MYO7B: variants seen among roughly 807,000 people sequenced by gnomAD.
The protein encoded by MYO7B is unconventional myosin-VIIb.
MYO7B carries 212 observed loss-of-function variants against 259.7 expected under a neutral mutation model. That is an observed-to-expected ratio of 0.82 (90% confidence interval 0.73 to 0.91). The LOEUF (loss-of-function observed/expected upper bound fraction) is 0.91, where lower values mean the gene tolerates loss of function less well. MYO7B is among the 40% of genes least tolerant of loss of function. MYO7B has a pLI of 0.00. For synonymous variants in MYO7B, 1,197 were observed against 1,166.4 expected (o/e 1.03, Z -0.54); for missense variants, 2,732 against 2,813.5 (o/e 0.97, Z 0.66).
Position 127,586,835 on chromosome 2 carries a change from G to T in MYO7B, c.1691-1557G>T, listed in dbSNP as rs1445863520. ...GCCTGTTGGGAGACTGAACCCAGGA[G>T]TGTCTCAACCCTCCCCACCCTTAAA... On this transcript the variant is annotated intron_variant, in intron 14 of 47. Coordinates refer to ENST00000409816, the MANE Select transcript of MYO7B (RefSeq NM_001393586.1). This position sits in a 1 kb window ranked among gnomAD's most constrained non-coding sequence, Gnocchi z 4.8. 6.6e-6 allele frequency among the ~76,000 whole-genome samples: 1 copy of T among 152,108 alleles called. No homozygotes were observed. The highest frequency in any genetic ancestry group is 1.9e-4 in the East Asian group (1 of 5,174).
rs564717765 is a variant in MYO7B, at chr2:127,615,193, C to G, written c.3398+2590C>G. ...CCACAGGTGCACCAAGGAGGAGTGG[C>G]CTTAGTGCCTACCTGGGCCAAGGAA... is the stretch of plus-strand genomic sequence containing the variant. On this transcript the variant is annotated intron_variant, in intron 26 of 47. Transcript: ENST00000409816. The surrounding 1 kb of genome is among the most constrained non-coding windows in gnomAD (Gnocchi z 4.4). Among the ~76,000 whole-genome samples the G allele has an allele frequency of 1.3e-5, 2 of 152,236 alleles. No individual in the cohort carries two copies. The highest frequency in any genetic ancestry group is 3.9e-4 in the East Asian group (2 of 5,174).
intron 5 of MYO7B, among the ~76,000 whole-genome samples, chr2:127,568,891 C>G (rs1678469214): frequency 6.8e-6 from 1 of 147,742 alleles, no homozygotes. Context: ...AACAGCAAGA[C>G]TCCGTCTCAA....
At position 127,601,053 on chromosome 2, in the gene MYO7B, A is replaced by T. The variant is rs1679949733; in HGVS notation, c.2339+4497A>T. Among the ~76,000 whole-genome samples the T allele has an allele frequency of 2.0e-5, 3 of 152,356 alleles. No individual in the cohort carries two copies. The South Asian group carries it at 6.2e-4, about 32-fold the overall frequency. ...TTCATTCACTTTCACTCAGAAGAAA[A>T]ATTAAATTTTCCTTGAAATTTCCTC... is the stretch of plus-strand genomic sequence containing the variant. On this transcript the variant is annotated intron_variant, in intron 19 of 47. Transcript: ENST00000409816.
rs528272278 is a variant in MYO7B at position 127,542,615 on chromosome 2, C to T, written c.-24+6784C>T. On this transcript the variant is annotated intron_variant, in intron 1 of 47. Transcript: ENST00000409816. ...CCCCTCCACACCTGTGGGTGCTTCT[C>T]GTCAGGTGGAATGAGAGACTGAGAA... 3.1e-3 allele frequency among the ~76,000 whole-genome samples: 477 copies of T among 152,272 alleles called. 7 individuals carry two copies. The South Asian group carries it at 0.04, about 13-fold the overall frequency.
chr2:127,595,163 T>G (rs1443871671), intron 18 of MYO7B, among the ~76,000 whole-genome samples: 2 of 152,242 alleles, frequency 1.3e-5, no homozygotes, highest in Admixed American at 1.3e-4. Flanking sequence ...TACTGATCTA[T>G]TCAGGGATTC....
In MYO7B at chr2:127,559,021, G is replaced by T. The variant is rs913689377; in HGVS notation, c.-23-679G>T. Reference sequence around the variant, plus strand: ...TAGCAATAGACCTGGTACCCACCTTGCACTGCTCAGCGCAGGGAGGGGAAG... The same window carrying T: ...TAGCAATAGACCTGGTACCCACCTTTCACTGCTCAGCGCAGGGAGGGGAAG... On this transcript the variant is annotated intron_variant, in intron 1 of 47. Transcript: ENST00000409816. This position sits in a 1 kb window ranked among gnomAD's most constrained non-coding sequence, Gnocchi z 4.1. Among the ~76,000 whole-genome samples, 10 of 152,220 alleles carry T rather than the reference G, an allele frequency of 6.6e-5. No homozygotes were observed. The highest frequency in any genetic ancestry group is 5.9e-4 in the Admixed American group (9 of 15,282).
rs560393262 is a variant in MYO7B at position 127,630,956 on chromosome 2, C to CCACCT, written c.4937+56_4937+60dup. Reference sequence around the variant, plus strand: ...CTCATTGCACCCCCACCTCCCAGCCCCACCTCACCTCATTGCACCCCCTGC... The same window carrying CCACCT: ...CTCATTGCACCCCCACCTCCCAGCCCCACCTCACCTCACCTCATTGCACCCCCTGC... On this transcript the variant is annotated intron_variant, in intron 36 of 47. Transcript: ENST00000409816. 2.8e-4 allele frequency: 429 copies of CCACCT among 1,517,294 alleles called. 1 individual carries two copies. The African/African-American group carries it at 3.7e-3, about 13-fold the overall frequency. 94.0% of individuals were successfully genotyped at this position (1,517,294 alleles called of 1,614,324 possible). A position where few individuals can be genotyped will look rare whatever the true frequency, so the allele number is the denominator to read the frequency against.
chr2:127,609,781 C>T lies in MYO7B; in HGVS notation c.3024+66C>T, dbSNP rs1482954354. 5.6e-6 allele frequency: 9 copies of T among 1,611,138 alleles called. No homozygotes were observed. The highest frequency in any genetic ancestry group is 4.4e-5 in the South Asian group (4 of 90,958). The stretch of plus-strand genomic sequence containing the variant: ...CGAGCCTGGGGTGTGAGCTATGGCT[C>T]GGGGAAAGAAGGAAGGGGCCATAGT... On this transcript the variant is annotated intron_variant, in intron 23 of 47. Coordinates refer to ENST00000409816, the MANE Select transcript of MYO7B (RefSeq NM_001393586.1). This position sits in a 1 kb window ranked among gnomAD's most constrained non-coding sequence, Gnocchi z 6.9.
chr2:127,552,805 C>A (rs6743697), intron 1 of MYO7B, among the ~76,000 whole-genome samples: 2 of 152,062 alleles, frequency 1.3e-5, no homozygotes, highest in Admixed American at 6.5e-5. Context: ...CCTGCCACCC[C>A]CTGAAAGAGC....
intron 15 of MYO7B, 63 bp downstream of exon 15, chr2:127,588,618 G>A (rs1404535754): frequency 1.9e-6 from 3 of 1,584,802 alleles, no homozygotes; most frequent in African/African-American, 1.3e-5. Context: ...AGACAGACAT[G>A]TACAGGAAAG....
chr2:127,607,076 T>C lies in MYO7B; in HGVS notation c.2425-130T>C. ...TTGTGTTCATAGGTGTGTACCATTC[T>C]AGCACCGGCCCTTTGCCAAAACAAA... On this transcript the variant is annotated intron_variant, in intron 20 of 47. Coordinates refer to ENST00000409816, the MANE Select transcript of MYO7B (RefSeq NM_001393586.1). The surrounding 1 kb of genome is among the most constrained non-coding windows in gnomAD (Gnocchi z 4.4). The C allele has an allele frequency of 1.3e-6, 1 of 799,670 alleles. No individual in the cohort carries two copies. The highest frequency in any genetic ancestry group is 2.0e-6 in the Non-Finnish European group (1 of 504,564). The allele number at this position is 799,670 out of a possible 1,614,324, so 49.5% of individuals were successfully genotyped here.
At position 127,609,933 on chromosome 2, in the gene MYO7B, G is replaced by A. The variant is rs1680312734; in HGVS notation, c.3109G>A (p.Gly1037Ser). The A allele has an allele frequency of 1.2e-6, 2 of 1,608,970 alleles. No individual in the cohort carries two copies. Among genetic ancestry groups the A allele is most frequent in the African/African-American group, 1.3e-5 (1 of 74,852 alleles). ...GCTGTATGCCAGGAGCAGCCAGCAG[G>A]GCAGCTCAGTGATGCGGCAGATCCA... ...PVLYARSSQQ[G>S]SSVMRQIHDT... is the part of the protein sequence containing the mutation. Residue 1037 changes from glycine to serine, a missense_variant, in exon 24 of 48, where the codon GGC becomes AGC. By Grantham distance (56) the Gly-to-Ser change is moderately conservative (BLOSUM62 0). This residue lies in a region of MYO7B where 1,906 missense variants were observed against 2,026.4 expected (regional missense o/e 0.94). Coordinates refer to ENST00000409816, the MANE Select transcript of MYO7B (RefSeq NM_001393586.1). This position sits in a 1 kb window ranked among gnomAD's most constrained non-coding sequence, Gnocchi z 6.9.
At chr2:127,618,382 C>G (rs1680673029) in intron 26 of MYO7B, among the ~76,000 whole-genome samples, 1 of 152,148 alleles carries the variant, frequency 6.6e-6, no homozygotes, top group Admixed American at 6.5e-5. Context: ...TTCTTCAGCC[C>G]TTAGTATTTA....
chr2:127,625,450 T>G lies in MYO7B; in HGVS notation c.4130T>G (p.Leu1377Arg). The G allele has an allele frequency of 6.2e-7, 1 of 1,612,298 alleles. No homozygotes were observed. The highest frequency in any genetic ancestry group is 8.5e-7 in the Non-Finnish European group (1 of 1,179,622). ...GCAGAGAGCAAGGCTGTCCAGGAGC[T>G]GCTGCCCAGCTGCATCCCCCACAAG... ...ASAESKAVQE[L>R]LPSCIPHKLY... Residue 1377 changes from leucine to arginine, a missense_variant, in exon 31 of 48, where the codon CTG becomes CGG. Around this residue, in one of 3 missense-constraint regions of MYO7B, gnomAD observed 1,906 missense variants for 2,026.4 expected, o/e 0.94. Transcript: ENST00000409816.
chr2:127,592,671 G>A (rs1230554076), intron 16 of MYO7B, 123 bp from the exon 17 acceptor site: 35 of 1,276,624 alleles, frequency 2.7e-5, no homozygotes, highest in Non-Finnish European at 3.7e-5. Flanking sequence ...GGGGGTGGGC[G>A]GGGCGGGGGG....
intron 1 of MYO7B, among the ~76,000 whole-genome samples, chr2:127,549,213 T>G (rs184678631): frequency 4.6e-5 from 7 of 152,112 alleles, no homozygotes; most frequent in African/African-American, 1.7e-4. Context: ...AAAACACTGA[T>G]GTATCTAGCT....
intron 19 of MYO7B, among the ~76,000 whole-genome samples, chr2:127,598,248 T>A (rs1338751303): frequency 6.6e-6 from 1 of 152,244 alleles, no homozygotes; most frequent in African/African-American, 2.4e-5. Flanking sequence ...GCTGACTCAG[T>A]GTCCGTGCAT....
In MYO7B at chr2:127,590,502, TCA is replaced by T. The variant is rs1654842153; in HGVS notation, c.1992+274_1992+275del. 6.6e-6 allele frequency among the ~76,000 whole-genome samples: 1 copy of T among 152,244 alleles called. No individual in the cohort carries two copies. The highest frequency in any genetic ancestry group is 2.1e-4 in the South Asian group (1 of 4,836). ...GCCTGGCTCTTTGCTGCTGTGAGCC[TCA>T]GTTTTCCCTTCTGTTAAGTCAGACT... On this transcript the variant is annotated intron_variant, in intron 16 of 47. Coordinates refer to ENST00000409816, the MANE Select transcript of MYO7B (RefSeq NM_001393586.1). The surrounding 1 kb of genome is among the most constrained non-coding windows in gnomAD (Gnocchi z 4.6).
chr2:127,635,828 T>G lies in MYO7B; in HGVS notation c.5927T>G (p.Leu1976Arg). Reference sequence around the variant, plus strand: ...CAGTTCAACAACGACCGGTCCCAGCTGGCTAGTGTCCCCAAGATCCTGAGG... The same window carrying G: ...CAGTTCAACAACGACCGGTCCCAGCGGGCTAGTGTCCCCAAGATCCTGAGG... ...KAQFNNDRSQ[L>R]ASVPKILREL... is the part of the protein sequence containing the mutation. The change falls in exon 44 of 48, where the codon CTG becomes CGG. Residue 1976 changes from leucine to arginine, a missense_variant. Transcript: ENST00000409816. 1.9e-6 allele frequency: 3 copies of G among 1,586,258 alleles called. No homozygotes were observed. Among genetic ancestry groups the G allele is most frequent in the Non-Finnish European group, 2.6e-6 (3 of 1,166,730 alleles).
Sources: gnomAD v4.1 joint callset for allele counts (sites outside exome capture counted in the v4.1 genomes callset) on GRCh38, gnomAD v4.1.1 for gene constraint, gnomAD v4.1.1 regional missense constraint, Gnocchi (gnomAD v3.1) non-coding constraint, MANE v1.5 for transcripts, NCBI Gene and HGNC (gene_info 2026-07-23, HGNC 2026-07-21) for gene names.